WDPCP: variants seen among roughly 807,000 people sequenced by gnomAD.
WDPCP encodes the protein WD repeat-containing and planar cell polarity effector protein fritz homolog.
WDPCP carries 71 observed loss-of-function variants against 93.1 expected under a neutral mutation model. That is an observed-to-expected ratio of 0.76 (90% CI 0.63 to 0.93). The LOEUF (loss-of-function observed/expected upper bound fraction) is 0.93. Ranked by LOEUF, WDPCP falls within the 40% of genes least tolerant of loss-of-function variation. The pLI, the probability that WDPCP is intolerant of heterozygous loss-of-function variation, is 0.00. For synonymous variants in WDPCP, 315 were observed against 315.0 expected (o/e 1.00, Z 0.00); for missense variants, 844 against 887.4 (o/e 0.95, Z 0.62).
upstream of WDPCP, among the ~76,000 whole-genome samples, chr2:63,829,459 ACT>A (rs879728337): frequency 1.1e-4 from 17 of 152,072 alleles, no homozygotes; most frequent in Admixed American, 1.1e-3. Flanking sequence ...TAACAAATTG[ACT>A]CTACATTTTG....
At chr2:63,351,972 T>A (rs1689661128) in intron 12 of WDPCP, among the ~76,000 whole-genome samples, 1 of 152,252 alleles carries the variant, frequency 6.6e-6, no homozygotes, top group Non-Finnish European at 1.5e-5. Context: ...TTCTGATTGG[T>A]GTGAGATGGT....
intron 17 of WDPCP, among the ~76,000 whole-genome samples, chr2:63,132,947 G>A (rs1574681533): frequency 6.6e-6 from 1 of 152,120 alleles, no homozygotes; most frequent in Admixed American, 6.6e-5. Flanking sequence ...ATTCACAATA[G>A]TTATGTTGGG....
intron 11 of WDPCP, among the ~76,000 whole-genome samples, chr2:63,380,416 C>G (rs1344971829): frequency 6.6e-6 from 1 of 152,064 alleles, no homozygotes; most frequent in African/African-American, 2.4e-5. Flanking sequence ...GTGGGCCATG[C>G]ACTAGGCATT....
chr2:63,813,008 A>C (rs1305303444), intron 2 of WDPCP, among the ~76,000 whole-genome samples: 1 of 151,412 alleles, frequency 6.6e-6, no homozygotes, highest in Non-Finnish European at 1.5e-5. Context: ...ACATAACACC[A>C]CACTCAGCTA....
intron 2 of WDPCP, among the ~76,000 whole-genome samples, chr2:63,489,295 C>G (rs1019370449): frequency 3.3e-5 from 5 of 151,966 alleles, no homozygotes; most frequent in Admixed American, 2.6e-4. Context: ...TTAGAATGAA[C>G]CCTATGGTGG....
Position 63,609,588 on chromosome 2 carries a change from A to G in WDPCP, n.488+41071T>C, listed in dbSNP as rs529322828. On this transcript the variant is annotated intron_variant and non_coding_transcript_variant, in intron 3 of 4. Transcript: ENST00000467687. ...GGAAGCATGAAAACTAATTTCATGT[A>G]GAATTAAAAAGAAAATCTTGGCTGG... Among the ~76,000 whole-genome samples the G allele has an allele frequency of 2.0e-5, 3 of 152,330 alleles. No individual in the cohort carries two copies. In the South Asian group the frequency reaches 6.2e-4, roughly 32 times the overall value.
At chr2:63,206,917 T>A (rs1026550842) in intron 14 of WDPCP, among the ~76,000 whole-genome samples, 2 of 152,228 alleles carry the variant, frequency 1.3e-5, no homozygotes, top group Non-Finnish European at 2.9e-5. Flanking sequence ...CTCACATTGA[T>A]GGGCAACAAA....
intron 2 of WDPCP, among the ~76,000 whole-genome samples, chr2:63,489,561 GA>G (rs1362116542): frequency 1.3e-5 from 2 of 151,978 alleles, no homozygotes; most frequent in Non-Finnish European, 2.9e-5. Context: ...CTAGGGAAAG[GA>G]AATTACAACA....
chr2:63,700,905 C>T (rs531793593), intron 2 of WDPCP, among the ~76,000 whole-genome samples: 5 of 152,264 alleles, frequency 3.3e-5, no homozygotes, highest in African/African-American at 1.2e-4. Context: ...AGACTTGAAA[C>T]TATGAAACTA....
chr2:63,273,263 A>T (rs1331107945), intron 13 of WDPCP, among the ~76,000 whole-genome samples: 1 of 152,204 alleles, frequency 6.6e-6, no homozygotes, highest in Non-Finnish European at 1.5e-5. Flanking sequence ...TAGATCTGGA[A>T]GCAAAAGGAT....
intron 2 of WDPCP, among the ~76,000 whole-genome samples, chr2:63,793,565 T>C (rs963822776): frequency 6.6e-6 from 1 of 152,192 alleles, no homozygotes; most frequent in Non-Finnish European, 1.5e-5. Flanking sequence ...GAGCTATGAT[T>C]GTGCCATTGC....
At chr2:63,436,163 AAAC>A (rs1244970452) in intron 8 of WDPCP, among the ~76,000 whole-genome samples, 1 of 152,162 alleles carries the variant, frequency 6.6e-6, no homozygotes, top group Non-Finnish European at 1.5e-5. Context: ...TTTAGTAAAT[AAAC>A]AGTATTTCAA....
intron 1 of WDPCP, among the ~76,000 whole-genome samples, chr2:63,564,923 G>A (rs906335417): frequency 4.6e-5 from 7 of 151,990 alleles, no homozygotes; most frequent in South Asian, 2.1e-4. Flanking sequence ...TATTACAGGC[G>A]CGTGCCACCA....
At chr2:63,149,950 G>A (rs1206987348) in intron 17 of WDPCP, among the ~76,000 whole-genome samples, 1 of 151,986 alleles carries the variant, frequency 6.6e-6, no homozygotes, top group Non-Finnish European at 1.5e-5. Flanking sequence ...ACAGTGAGCT[G>A]TATTCATGCA....
chr2:63,684,009 A>T (rs1004870129), intron 2 of WDPCP, among the ~76,000 whole-genome samples: 2 of 152,314 alleles, frequency 1.3e-5, no homozygotes, highest in East Asian at 3.9e-4. Context: ...GATTAACCCT[A>T]ATACAATGAT....
intron 2 of WDPCP, among the ~76,000 whole-genome samples, chr2:63,700,117 A>T (rs1034399335): frequency 2.0e-5 from 3 of 151,770 alleles, no homozygotes; most frequent in Non-Finnish European, 4.4e-5. Context: ...CAAACCTCAT[A>T]CAAAAAATGC....
intron 1 of WDPCP, among the ~76,000 whole-genome samples, chr2:63,551,423 A>T (rs1287182089): frequency 6.6e-6 from 1 of 152,066 alleles, no homozygotes; most frequent in African/African-American, 2.4e-5. Flanking sequence ...CTCTGAGTTC[A>T]AGTGAGATCG....
chr2:63,125,087 G>C (rs1216404982), intron 17 of WDPCP, among the ~76,000 whole-genome samples: 3 of 152,118 alleles, frequency 2.0e-5, no homozygotes, highest in Non-Finnish European at 2.9e-5. Flanking sequence ...ATTGAACTCT[G>C]CTTCTTGCAT....
intron 12 of WDPCP, among the ~76,000 whole-genome samples, chr2:63,313,882 A>ATGTGTGTGTGTG (rs1400155246): frequency 9.7e-5 from 3 of 30,862 alleles, no homozygotes; most frequent in African/African-American, 2.3e-4. Context: ...ATATATATAT[A>ATGTGTGTGTGTG]TATATTTTTT....
Sources: allele counts gnomAD v4.1 joint callset (sites outside exome capture counted in the v4.1 genomes callset), GRCh38; gene constraint gnomAD v4.1.1; transcripts MANE v1.5; gene names NCBI Gene and HGNC (gene_info 2026-07-23, HGNC 2026-07-21).